MID2: variants seen among roughly 807,000 people sequenced by gnomAD.
The protein encoded by MID2 is midline 2.
A neutral mutation model predicts 46.1 loss-of-function variants in MID2; 13 were observed. That is an observed-to-expected ratio of 0.28 (90% CI 0.18 to 0.45). The LOEUF (loss-of-function observed/expected upper bound fraction) is 0.45. Ranked by LOEUF, MID2 falls within the 20% of genes least tolerant of loss-of-function variation. MID2 has a pLI of 1.00. For missense variants in MID2, 431 were observed against 575.4 expected, an observed-to-expected ratio of 0.75 and a Z score of 2.57; for synonymous variants, 199 against 212.3, an observed-to-expected ratio of 0.94 and a Z score of 0.55.
chrX:107,866,422 A>AACAC (rs57100746), intron 3 of MID2, among the ~76,000 whole-genome samples: 55 of 81,193 alleles, frequency 6.8e-4, no homozygotes, highest in African/African-American at 1.3e-3. Flanking sequence ...AGCCACTGAA[A>AACAC]ACACACACAC....
At chrX:107,888,528 A>G (rs149479227) in intron 3 of MID2, among the ~76,000 whole-genome samples, 2,085 of 111,031 alleles carry the variant, frequency 0.019, 52 homozygotes, top group African/African-American at 0.064. Context: ...ATTTGCTGAG[A>G]AGTGCTTTAC....
intron 5 of MID2, among the ~76,000 whole-genome samples, chrX:107,909,389 T>C (rs1200086005): frequency 8.9e-6 from 1 of 111,897 alleles, no homozygotes; most frequent in African/African-American, 3.3e-5. Flanking sequence ...TGGGTGGCTC[T>C]TTCCCCAGCA....
chrX:107,898,589 C>T (rs973708508), intron 3 of MID2, among the ~76,000 whole-genome samples: 1 of 112,107 alleles, frequency 8.9e-6, no homozygotes, highest in Non-Finnish European at 1.9e-5. Context: ...TGTATTCACA[C>T]TCATAGTCTC....
At chrX:107,891,345 A>G (rs1032025446) in intron 3 of MID2, among the ~76,000 whole-genome samples, 1 of 105,414 alleles carries the variant, frequency 9.5e-6, no homozygotes, top group African/African-American at 3.5e-5. Flanking sequence ...CAGTGGCGCA[A>G]TCTCAGCTCA....
At chrX:107,834,894 T>G (rs1426405675) in intron 1 of MID2, among the ~76,000 whole-genome samples, 2 of 112,108 alleles carry the variant, frequency 1.8e-5, no homozygotes, top group African/African-American at 6.5e-5. Context: ...CATGCCATAA[T>G]ATTCACTATT....
chrX:107,872,953 G>T (rs1041243239), intron 3 of MID2, among the ~76,000 whole-genome samples: 25 of 110,906 alleles, frequency 2.3e-4, no homozygotes, highest in Non-Finnish European at 4.7e-4. Flanking sequence ...TAGTTCAGGG[G>T]CGACGAGTCT....
At chrX:107,848,511 G>T (rs1053622703) in intron 2 of MID2, among the ~76,000 whole-genome samples, 11 of 111,001 alleles carry the variant, frequency 9.9e-5, no homozygotes, top group Non-Finnish European at 1.9e-4. Context: ...GGGAGGTGTG[G>T]GTCTCAGCTG....
At position 107,924,475 on chromosome X, in the gene MID2, A is replaced by G. The variant is rs61752720; in HGVS notation, c.1568A>G (p.Asn523Ser). The G allele has an allele frequency of 8.3e-7, 1 of 1,211,863 alleles. No homozygotes were observed. The highest frequency in any genetic ancestry group is 1.1e-6 in the Non-Finnish European group (1 of 895,359). The change falls in exon 8 of 10, where the codon AAC becomes AGC. Residue 523 changes from asparagine to serine, a missense_variant. By Grantham distance (46) the Asn-to-Ser change is conservative (BLOSUM62 1). Coordinates refer to ENST00000262843, the MANE Select transcript of MID2 (RefSeq NM_012216.4). ...GCCATAAACCAAGCCGGCAGCCGGAACAGTGAACCTACCCGACTAAAAACA... is the reference window on the plus strand; with the variant it reads ...GCCATAAACCAAGCCGGCAGCCGGAGCAGTGAACCTACCCGACTAAAAACA... ...VKAINQAGSRNSEPTRLKTNS... is the reference protein window; with the variant it reads ...VKAINQAGSRSSEPTRLKTNS...
At chrX:107,869,854 C>T (rs1932030880) in intron 3 of MID2, among the ~76,000 whole-genome samples, 1 of 110,384 alleles carries the variant, frequency 9.1e-6, no homozygotes, top group Admixed American at 9.6e-5. Context: ...CCTAGAGTCT[C>T]GGGTTTATCT....
intron 3 of MID2, among the ~76,000 whole-genome samples, chrX:107,864,492 C>A (rs774902331): frequency 1.8e-5 from 2 of 111,310 alleles, no homozygotes; most frequent in East Asian, 5.6e-4. Context: ...CTGTCCTCAG[C>A]CATAGAGTTT....
intron 3 of MID2, chrX:107,896,221 C>T (rs996688310): frequency 1.8e-5 from 2 of 110,134 alleles, no homozygotes; most frequent in African/African-American, 6.6e-5. Flanking sequence ...TGGCGCATGC[C>T]TATAGTCCCA....
intron 3 of MID2, among the ~76,000 whole-genome samples, chrX:107,891,530 TA>T (rs761014419): frequency 8.1e-5 from 9 of 111,477 alleles, no homozygotes; most frequent in Non-Finnish European, 1.7e-4. Flanking sequence ...CTGCCCGCCT[TA>T]GCCTCCCAAA....
Position 107,929,188 on chromosome X carries a change from T to C in MID2, c.*2115T>C, listed in dbSNP as rs974469909. On this transcript the variant is annotated 3_prime_UTR_variant, in exon 10 of 10. Coordinates refer to ENST00000262843, the MANE Select transcript of MID2 (RefSeq NM_012216.4). ...ATTAATCTCTTTCCTTACTCCCAGC[T>C]CCAATACAGCGTAACAGTGCTTTAA... 1.8e-5 allele frequency among the ~76,000 whole-genome samples: 2 copies of C among 112,068 alleles called. No individual in the cohort carries two copies. The highest frequency in any genetic ancestry group is 6.5e-5 in the African/African-American group (2 of 30,823).
intron 3 of MID2, among the ~76,000 whole-genome samples, chrX:107,900,887 G>C (rs1380337914): frequency 8.9e-6 from 1 of 112,027 alleles, no homozygotes; most frequent in African/African-American, 3.2e-5. Context: ...TCCCCATCCA[G>C]TTTGCAAAGT....
At chrX:107,892,089 G>A (rs984250743) in intron 3 of MID2, among the ~76,000 whole-genome samples, 4 of 112,040 alleles carry the variant, frequency 3.6e-5, no homozygotes, top group African/African-American at 1.3e-4. Context: ...GGAGTATCAC[G>A]ATGGTGAATC....
chrX:107,826,496 C>CGGCTCCGGCCGCTTTTCAGGT, intron 1 of MID2, 66 bp downstream of exon 1: 1 of 1,081,533 alleles, frequency 9.2e-7, no homozygotes, highest in Non-Finnish European at 1.2e-6. Context: ...GGCTAGTCTC[C>CGGCTCCGGCCGCTTTTCAGGT]GGCTCCGGCC....
intron 3 of MID2, among the ~76,000 whole-genome samples, chrX:107,897,713 G>A: frequency 9.0e-6 from 1 of 111,679 alleles, no homozygotes; most frequent in Non-Finnish European, 1.9e-5. Context: ...GTGTGAGAGA[G>A]TGTGAGGGTG....
At chrX:107,873,905 A>G (rs1334966927) in intron 3 of MID2, among the ~76,000 whole-genome samples, 2 of 112,225 alleles carry the variant, frequency 1.8e-5, no homozygotes. Flanking sequence ...GAGGACTAGG[A>G]AAGCATACTT....
intron 5 of MID2, among the ~76,000 whole-genome samples, chrX:107,910,838 C>CTTTCCTTTCCTCTCCT (rs761216078): frequency 9.5e-5 from 4 of 42,061 alleles, no homozygotes; most frequent in Non-Finnish European, 1.0e-4. Flanking sequence ...CTTTCCTTTC[C>CTTTCCTTTCCTCTCCT]CTCTCTCTTT....
Sources: gnomAD v4.1 joint callset for allele counts (sites outside exome capture counted in the v4.1 genomes callset) on GRCh38, gnomAD v4.1.1 for gene constraint, MANE v1.5 for transcripts, NCBI Gene and HGNC (gene_info 2026-07-23, HGNC 2026-07-21) for gene names.